UPRT: variants seen among roughly 807,000 people sequenced by gnomAD.
UPRT encodes RP11-311P8.3.
In UPRT, 5 loss-of-function variants were observed where a neutral mutation model predicts 22.6. The ratio of observed to expected loss-of-function variants is 0.22; its 90% confidence interval spans 0.12 to 0.47. The LOEUF (loss-of-function observed/expected upper bound fraction) is 0.47, where lower values mean the gene tolerates loss of function less well. Among genes scored for constraint, UPRT ranks in the 20% least tolerant of loss-of-function variants. The pLI is 0.99. For missense variants in UPRT, 181 were observed against 239.9 expected (o/e 0.75, Z 1.62); for synonymous variants, 77 against 87.7 (o/e 0.88, Z 0.68).
intron 4 of UPRT, among the ~76,000 whole-genome samples, chrX:75,233,343 C>G (rs1479741543): frequency 9.0e-6 from 1 of 111,319 alleles, no homozygotes; most frequent in Non-Finnish European, 1.9e-5. Context: ...GAGAATGGAA[C>G]CAAGTTGGAA....
chrX:75,188,870 C>G (rs998391675), intron 4 of UPRT, among the ~76,000 whole-genome samples: 1 of 111,997 alleles, frequency 8.9e-6, no homozygotes, highest in African/African-American at 3.2e-5. Context: ...CAATGCCTCA[C>G]CCTGCTTCGG....
At chrX:75,256,148 A>T (rs2082548853) in intron 4 of UPRT, among the ~76,000 whole-genome samples, 1 of 112,107 alleles carries the variant, frequency 8.9e-6, no homozygotes, top group Admixed American at 9.5e-5. Context: ...AAGAAAATGG[A>T]AGTTATATCA....
intron 4 of UPRT, among the ~76,000 whole-genome samples, chrX:75,177,324 C>T (rs73625840): frequency 0.014 from 1,562 of 111,480 alleles, 34 homozygotes; most frequent in African/African-American, 0.049. Context: ...GCAGCAGAAA[C>T]GCTAGTTTTC....
intron 6 of UPRT, 51 bp from the exon 7 acceptor site, chrX:75,303,354 C>T (rs2082750904): frequency 1.0e-6 from 1 of 985,163 alleles, no homozygotes; most frequent in African/African-American, 1.9e-5. Flanking sequence ...TCCTGAATTA[C>T]AACTGGTGTT....
chrX:75,234,958 G>T (rs1230823930), intron 4 of UPRT, among the ~76,000 whole-genome samples: 2 of 111,598 alleles, frequency 1.8e-5, no homozygotes, highest in African/African-American at 6.5e-5. Context: ...GAAGGAAATA[G>T]AGACACAAAA....
At chrX:75,226,427 A>G (rs989739915) in intron 4 of UPRT, among the ~76,000 whole-genome samples, 1 of 111,754 alleles carries the variant, frequency 8.9e-6, no homozygotes, top group Non-Finnish European at 1.9e-5. Context: ...TGTTCTCACA[A>G]TGTCCTAAAA....
intron 4 of UPRT, among the ~76,000 whole-genome samples, chrX:75,258,168 G>A (rs1457671964): frequency 3.7e-5 from 4 of 107,698 alleles, no homozygotes; most frequent in East Asian, 2.9e-4. Context: ...TAGCCATTTC[G>A]GCAGACACCA....
At chrX:75,200,023 G>T (rs1239804329) in intron 4 of UPRT, among the ~76,000 whole-genome samples, 2 of 111,994 alleles carry the variant, frequency 1.8e-5, no homozygotes, top group African/African-American at 6.5e-5. Flanking sequence ...TCCCAAACTT[G>T]TTTCTCCTCT....
chrX:75,293,368 T>C, intron 1 of UPRT, 104 bp from the exon 2 acceptor site: 1 of 767,739 alleles, frequency 1.3e-6, no homozygotes, highest in South Asian at 3.6e-5. Flanking sequence ...GCATTTAAGC[T>C]TTTAGTATGT....
At chrX:75,159,309 C>A (rs1223567414) in intron 1 of UPRT, among the ~76,000 whole-genome samples, 4 of 112,132 alleles carry the variant, frequency 3.6e-5, no homozygotes, top group Non-Finnish European at 7.5e-5. Flanking sequence ...TGTTTTATGG[C>A]TGAACAATAT....
Position 75,303,544 on chromosome X carries a change from A to G in UPRT, c.*33A>G, listed in dbSNP as rs746171714. 9 of 1,038,729 alleles carry G rather than the reference A, an allele frequency of 8.7e-6. No individual in the cohort carries two copies. The allele number at this position is 1,038,729 out of a possible 1,213,427, so 85.6% of individuals were successfully genotyped here. A position where few individuals can be genotyped will look rare whatever the true frequency, so the allele number is the denominator to read the frequency against. ...AAGTAAAATAATTATCTTATGTAAT[A>G]TTACAATCATGTTTTGATTTTCTAT... On this transcript the variant is annotated 3_prime_UTR_variant, in exon 7 of 7. Coordinates refer to ENST00000373383, the MANE Select transcript of UPRT (RefSeq NM_145052.4).
In UPRT at chrX:75,187,100, G is replaced by A. The variant is rs190625276; in HGVS notation, c.-447+19221G>A. ...CTGATTATTTTGCTCGTTAGTTGAT[G>A]CATTTTCTTCCTAGTCTTGATGGTC... On this transcript the variant is annotated intron_variant, in intron 4 of 13. Transcript: ENST00000652605. Among the ~76,000 whole-genome samples the A allele has an allele frequency of 7.9e-4, 88 of 111,656 alleles. 1 individual carries two copies. The highest frequency in any genetic ancestry group is 1.9e-4 in the Non-Finnish European group (10 of 53,174).
At chrX:75,303,126 GA>G (rs1238369363) in intron 6 of UPRT, among the ~76,000 whole-genome samples, 2 of 111,464 alleles carry the variant, frequency 1.8e-5, no homozygotes, top group African/African-American at 3.3e-5. Flanking sequence ...TCTTTAGGGG[GA>G]AAGTTTCTAT....
intron 4 of UPRT, among the ~76,000 whole-genome samples, chrX:75,254,918 G>C (rs2082544446): frequency 9.1e-6 from 1 of 109,949 alleles, no homozygotes; most frequent in Non-Finnish European, 1.9e-5. Context: ...TGGGACTACA[G>C]GCGCCCGCCA....
intron 4 of UPRT, among the ~76,000 whole-genome samples, chrX:75,256,102 C>A (rs1039134256): frequency 9.0e-6 from 1 of 111,463 alleles, no homozygotes; most frequent in Admixed American, 9.6e-5. Context: ...CAAGATAGAC[C>A]ATATGATAAG....
intron 4 of UPRT, among the ~76,000 whole-genome samples, chrX:75,216,043 C>T (rs767264482): frequency 1.8e-5 from 2 of 110,855 alleles, no homozygotes; most frequent in East Asian, 5.6e-4. Context: ...ACCCTAATAC[C>T]AAAATCAAAG....
At chrX:75,234,035 A>G (rs2082449998) in intron 4 of UPRT, among the ~76,000 whole-genome samples, 2 of 111,212 alleles carry the variant, frequency 1.8e-5, no homozygotes, top group Admixed American at 1.9e-4. Flanking sequence ...TGTATTCAGG[A>G]AACCCATCTC....
intron 4 of UPRT, among the ~76,000 whole-genome samples, chrX:75,247,700 C>T (rs1243867464): frequency 8.9e-6 from 1 of 112,582 alleles, no homozygotes; most frequent in Non-Finnish European, 1.9e-5. Context: ...TTAAATGTCC[C>T]TGTCTGACAG....
upstream of UPRT, among the ~76,000 whole-genome samples, chrX:75,269,088 A>C (rs2082599642): frequency 1.8e-5 from 2 of 111,928 alleles, no homozygotes; most frequent in Admixed American, 1.9e-4. Context: ...ACTGTGCAAC[A>C]ATCACTAGCA....
Sources: gnomAD v4.1 joint callset for allele counts (sites outside exome capture counted in the v4.1 genomes callset) on GRCh38, gnomAD v4.1.1 for gene constraint, MANE v1.5 for transcripts, NCBI Gene and HGNC (gene_info 2026-07-23, HGNC 2026-07-21) for gene names.